Variants in GPHN observed in about 807,000 individuals in gnomAD.
GPHN encodes the protein gephyrin.
In GPHN, 17 loss-of-function variants were observed where a neutral mutation model predicts 95.5. That is an observed-to-expected ratio of 0.18 (90% CI 0.12 to 0.27). The LOEUF is 0.27. Ranked by LOEUF, GPHN falls within the 10% of genes least tolerant of loss-of-function variation. The probability of loss-of-function intolerance (pLI) is 1.00; values close to 1 mark genes in which losing one functional copy is unlikely to be tolerated. For synonymous variants in GPHN, 320 were observed against 322.5 expected, an observed-to-expected ratio of 0.99 and a Z score of 0.08; for missense variants, 660 against 978.1, an observed-to-expected ratio of 0.67 and a Z score of 4.34.
chr14:67,345,465 G>A, the GPHN span, among the ~76,000 whole-genome samples: 2 of 151,934 alleles, frequency 1.3e-5, no homozygotes, highest in Non-Finnish European at 2.9e-5. Context: ...TGAGGCAGAA[G>A]AATCACTTGA....
chr14:67,464,431 C>T, the GPHN span, among the ~76,000 whole-genome samples: 1 of 152,118 alleles, frequency 6.6e-6, no homozygotes, highest in Non-Finnish European at 1.5e-5. Flanking sequence ...CCCTCTGTCC[C>T]CCTGCCCCCA....
the GPHN span, among the ~76,000 whole-genome samples, chr14:67,304,266 C>T: frequency 6.6e-6 from 1 of 152,096 alleles, no homozygotes; most frequent in Non-Finnish European, 1.5e-5. Context: ...GTCTCCATTA[C>T]CATACAGTCA....
chr14:67,198,853 A>C, the GPHN span: 1 of 617,468 alleles, frequency 1.6e-6, no homozygotes, highest in Non-Finnish European at 3.0e-6. Flanking sequence ...ATATTCAGAC[A>C]AAGAAATGGT....
intron 1 of GPHN, among the ~76,000 whole-genome samples, chr14:66,527,757 T>G (rs2058750106): frequency 2.0e-5 from 3 of 152,224 alleles, no homozygotes; most frequent in African/African-American, 7.2e-5. Context: ...GTTGTTCAGT[T>G]TCCATGTAGT....
At chr14:67,302,775 A>T in the GPHN span, among the ~76,000 whole-genome samples, 161 of 152,280 alleles carry the variant, frequency 1.1e-3, no homozygotes, top group African/African-American at 3.6e-3. Flanking sequence ...CTGATGTATC[A>T]CTATCACATA....
At chr14:67,387,461 G>T in the GPHN span, 1 of 1,597,020 alleles carries the variant, frequency 6.3e-7, no homozygotes, top group South Asian at 1.1e-5. Context: ...TAACCCCTAG[G>T]CAGAAAAAAG....
intron 2 of GPHN, among the ~76,000 whole-genome samples, chr14:66,766,296 T>C (rs1286906211): frequency 6.6e-6 from 1 of 152,162 alleles, no homozygotes; most frequent in Non-Finnish European, 1.5e-5. Flanking sequence ...AGGAGGTGCA[T>C]GGGACTAAGA....
chr14:67,177,209 G>T (rs1315182547), intron 21 of GPHN, among the ~76,000 whole-genome samples: 1 of 152,048 alleles, frequency 6.6e-6, no homozygotes, highest in Non-Finnish European at 1.5e-5. Context: ...TTTCTTGTGG[G>T]CATTTAGTGC....
the GPHN span, among the ~76,000 whole-genome samples, chr14:67,602,280 T>C: frequency 6.6e-6 from 1 of 152,118 alleles, no homozygotes. Flanking sequence ...TCAGATCTCG[T>C]GAGAGAACTC....
chr14:67,701,760 C>G, the GPHN span: 3 of 152,000 alleles, frequency 2.0e-5, no homozygotes, highest in African/African-American at 7.3e-5. Flanking sequence ...CATGTTTGAA[C>G]TTTTGTTTTG....
chr14:66,942,725 A>G (rs1327460577), intron 8 of GPHN, among the ~76,000 whole-genome samples: 1 of 152,202 alleles, frequency 6.6e-6, no homozygotes, highest in Non-Finnish European at 1.5e-5. Context: ...CCGTTTGGCA[A>G]TCCCATGTAA....
At chr14:67,292,377 C>CA in the GPHN span, 1 of 598,292 alleles carries the variant, frequency 1.7e-6, no homozygotes, top group Non-Finnish European at 3.0e-6. Context: ...CCATGATTGA[C>CA]AATAATATAT....
intron 5 of GPHN, among the ~76,000 whole-genome samples, chr14:66,890,350 C>T (rs930296664): frequency 2.1e-5 from 3 of 145,964 alleles, no homozygotes; most frequent in African/African-American, 7.7e-5. Context: ...AGAGGCCACA[C>T]AGTGAGCCCT....
At chr14:67,142,192 A>G (rs1366421228) in intron 17 of GPHN, among the ~76,000 whole-genome samples, 1 of 152,218 alleles carries the variant, frequency 6.6e-6, no homozygotes, top group Non-Finnish European at 1.5e-5. Context: ...TTTTTCAGAC[A>G]ACAAGAGTAT....
the GPHN span, chr14:67,241,227 G>A: frequency 6.6e-6 from 1 of 152,274 alleles, no homozygotes; most frequent in African/African-American, 2.4e-5. Flanking sequence ...GCCTCTCACG[G>A]GCGGGGTGGG....
intron 2 of GPHN, among the ~76,000 whole-genome samples, chr14:66,704,940 A>G (rs2068919078): frequency 8.9e-6 from 1 of 112,630 alleles, no homozygotes; most frequent in Admixed American, 9.7e-5. Context: ...AGAAGAAAAG[A>G]GAGAAGAATC....
chr14:67,169,251 A>G (rs2082456969), intron 21 of GPHN: 2 of 587,442 alleles, frequency 3.4e-6, no homozygotes, highest in South Asian at 2.0e-5. Flanking sequence ...TTCTCCAGAT[A>G]GAAGTCCATA....
chr14:66,536,589 C>G (rs2059154981), intron 1 of GPHN, among the ~76,000 whole-genome samples: 1 of 151,990 alleles, frequency 6.6e-6, no homozygotes, highest in Admixed American at 6.6e-5. Flanking sequence ...TGGGAAGTCT[C>G]TCTCTGTTTT....
At chr14:67,581,104 T>C in the GPHN span, 1 of 976,428 alleles carries the variant, frequency 1.0e-6, no homozygotes, top group Non-Finnish European at 1.7e-6. Flanking sequence ...GCTCATCGCC[T>C]CCTCGACTAG....
Sources: allele counts gnomAD v4.1 joint callset (sites outside exome capture counted in the v4.1 genomes callset), GRCh38; gene constraint gnomAD v4.1.1; transcripts MANE v1.5; gene names NCBI Gene and HGNC (gene_info 2026-07-23, HGNC 2026-07-21).